Variants in CENATAC observed in about 807,000 individuals in gnomAD.
CENATAC encodes the protein coiled-coil domain containing 84.
CENATAC carries 53 observed loss-of-function variants against 53.7 expected under a neutral mutation model. The observed-to-expected ratio is 0.99, with a 90% CI of 0.79 to 1.24. The LOEUF is 1.24. Ranked by LOEUF, CENATAC falls within the 50% of genes most tolerant of loss-of-function variation. The pLI is 0.00. For synonymous variants in CENATAC, 156 were observed against 144.6 expected, an observed-to-expected ratio of 1.08 and a Z score of -0.57; for missense variants, 474 against 417.8, an observed-to-expected ratio of 1.13 and a Z score of -1.17.
In CENATAC at chr11:118,998,328, A is replaced by G. The variant is rs1942114223; in HGVS notation, c.120+11A>G. 5 of 1,611,100 alleles carry G rather than the reference A, an allele frequency of 3.1e-6. No individual in the cohort carries two copies. Among genetic ancestry groups the G allele is most frequent in the Non-Finnish European group, 4.2e-6 (5 of 1,178,620 alleles). On this transcript the variant is annotated intron_variant, in intron 1 of 10. Coordinates refer to ENST00000334418, the MANE Select transcript of CENATAC (RefSeq NM_198489.3). ...AGGCTCCTGCCCCAGGTGCGGAGGC[A>G]AGGCTAGAGATGGGATGGGAGTGCG...
chr11:119,009,114 T>C (rs73559119), intron 3 of CENATAC, among the ~76,000 whole-genome samples: 41,925 of 151,924 alleles, frequency 0.28, 6,564 homozygotes, highest in African/African-American at 0.43. Flanking sequence ...AGTCTGATCT[T>C]TCTTTCTTTT....
At chr11:119,015,104 G>GA in intron 9 of CENATAC, 21 bp downstream of exon 9, 1 of 1,573,606 alleles carries the variant, frequency 6.4e-7, no homozygotes, top group Non-Finnish European at 8.7e-7. Context: ...TAATTCAAGA[G>GA]AGGATCGTCT....
intron 3 of CENATAC, chr11:119,005,913 A>C (rs1025577310): frequency 3.4e-5 from 5 of 147,182 alleles, no homozygotes; most frequent in African/African-American, 1.3e-4. Context: ...TGCTTAGTCC[A>C]TTTGGTTAAA....
chr11:119,010,461 T>C (rs1942814211), intron 3 of CENATAC: 1 of 351,370 alleles, frequency 2.8e-6, no homozygotes, highest in Non-Finnish European at 5.2e-6. Flanking sequence ...ATTTTCTTAA[T>C]GTGGTAATGG....
Position 118,998,233 on chromosome 11 carries a change from G to T in CENATAC, c.36G>T (p.Gln12His). The change falls in exon 1 of 11, where the codon CAG (glutamine) becomes CAT (histidine). Residue 12 changes from glutamine (Q) to histidine (H), a missense_variant. By Grantham distance (24) the Gln-to-His change is conservative. Coordinates refer to ENST00000334418, the MANE Select transcript of CENATAC (RefSeq NM_198489.3). ...APAQRCPLCR[Q>H]TFFCGRGHVY... ...CGCAGCGCTGCCCTCTGTGCCGCCAGACCTTCTTCTGTGGTCGCGGGCACG... is the reference window on the plus strand; with the variant it reads ...CGCAGCGCTGCCCTCTGTGCCGCCATACCTTCTTCTGTGGTCGCGGGCACG... The T allele has an allele frequency of 6.3e-7, 1 of 1,586,376 alleles. No individual in the cohort carries two copies.
intron 3 of CENATAC, among the ~76,000 whole-genome samples, chr11:119,002,800 T>C (rs1015117161): frequency 6.6e-6 from 1 of 151,956 alleles, no homozygotes; most frequent in Non-Finnish European, 1.5e-5. Context: ...TCAGGTTTTT[T>C]TTCAAGATGG....
intron 3 of CENATAC, chr11:119,005,800 T>G (rs1942558731): frequency 6.6e-6 from 1 of 152,200 alleles, no homozygotes; most frequent in Admixed American, 6.6e-5. Flanking sequence ...TGTGATACAC[T>G]CAGGTGTTGT....
intron 1 of CENATAC, 26 bp downstream of exon 1, chr11:118,998,343 AT>A: frequency 1.2e-6 from 2 of 1,611,304 alleles, no homozygotes; most frequent in Non-Finnish European, 1.7e-6. Flanking sequence ...TAGAGATGGG[AT>A]GGGAGTGCGG....
intron 3 of CENATAC, chr11:119,003,370 C>G: frequency 1.9e-6 from 1 of 530,674 alleles, no homozygotes; most frequent in East Asian, 5.0e-5. Context: ...CACCTTTCAA[C>G]ACTGCCTTCT....
At chr11:119,011,822 C>A (rs1019469763) in intron 5 of CENATAC, 117 bp from the exon 6 acceptor site, 9 of 835,500 alleles carry the variant, frequency 1.1e-5, no homozygotes, top group African/African-American at 1.7e-5. Flanking sequence ...ATGGGCAGTA[C>A]CTTCCATATG....
intron 3 of CENATAC, among the ~76,000 whole-genome samples, chr11:119,007,359 C>T (rs1942653965): frequency 6.6e-6 from 1 of 152,002 alleles, no homozygotes; most frequent in Non-Finnish European, 1.5e-5. Flanking sequence ...CATTTTTGTA[C>T]TTTCAATAGA....
intron 3 of CENATAC, among the ~76,000 whole-genome samples, chr11:119,002,860 A>C (rs914364638): frequency 6.6e-6 from 1 of 151,874 alleles, no homozygotes; most frequent in African/African-American, 2.4e-5. Flanking sequence ...ATCTCGGCTC[A>C]CTGCAACCTC....
chr11:119,015,125 A>C lies in CENATAC; in HGVS notation c.805+42A>C, dbSNP rs550523101. 1.9e-6 allele frequency: 3 copies of C among 1,545,584 alleles called. No individual in the cohort carries two copies. The South Asian group carries it at 3.5e-5, about 18-fold the overall frequency. ...AAGAGAGGATCGTCTAAATCTTCAC[A>C]CTCAAAAATGGTTTCCTTGCCTGTG... On this transcript the variant is annotated intron_variant, in intron 9 of 10. Coordinates refer to ENST00000334418, the MANE Select transcript of CENATAC (RefSeq NM_198489.3).
In CENATAC at chr11:119,015,597, A is replaced by C. The variant is rs375684853; in HGVS notation, c.998A>C (p.Ter333SerextTer31). Residue 333 changes from the stop codon to serine, a stop_lost, in exon 11 of 11, where the codon TAA (stop) becomes TCA (serine). Coordinates refer to ENST00000334418, the MANE Select transcript of CENATAC (RefSeq NM_198489.3). ...AAGCAGTCACATACAGAAAAAAGCT[A>C]ATCATGCTCTCTACCAACTACCATG... ...MKKQSHTEKS[*>S] The C allele has an allele frequency of 6.2e-7, 1 of 1,613,998 alleles. No individual in the cohort carries two copies. The highest frequency in any genetic ancestry group is 8.5e-7 in the Non-Finnish European group (1 of 1,179,950).
At position 119,011,241 on chromosome 11, in the gene CENATAC, G is replaced by A; in HGVS notation, c.471G>A (p.Glu157=). ...VIKEMAAQIR[E]VEQSRQEVVR... The stretch of plus-strand genomic sequence containing the variant: ...CACAGATGGCAGCTCAGATCCGTGA[G>A]GTGGAGCAGAGCCGACAGGAGGTGG... The change falls in exon 5 of 11, where the codon GAG becomes GAA. Residue 157 remains glutamate, a synonymous_variant. Coordinates refer to ENST00000334418, the MANE Select transcript of CENATAC (RefSeq NM_198489.3). The A allele has an allele frequency of 1.2e-6, 2 of 1,614,118 alleles. No homozygotes were observed. Among genetic ancestry groups the A allele is most frequent in the South Asian group, 1.1e-5 (1 of 91,074 alleles).
chr11:119,003,619 CTCTT>C, intron 3 of CENATAC: 2 of 110,772 alleles, frequency 1.8e-5, no homozygotes, highest in South Asian at 2.8e-4. Flanking sequence ...ATATTTCTCT[CTCTT>C]TTTTTTTTTT....
chr11:119,008,266 G>C (rs1942700586), intron 3 of CENATAC, among the ~76,000 whole-genome samples: 1 of 152,216 alleles, frequency 6.6e-6, no homozygotes, highest in Non-Finnish European at 1.5e-5. Flanking sequence ...CGGCCTCTGA[G>C]TTCCCTCAGT....
intron 3 of CENATAC, chr11:119,004,830 CAG>C (rs1229273499): frequency 6.6e-6 from 1 of 152,356 alleles, no homozygotes; most frequent in African/African-American, 2.4e-5. Flanking sequence ...GAGGCTGAGA[CAG>C]AGGATCATTT....
intron 7 of CENATAC, 181 bp downstream of exon 7, chr11:119,012,435 C>G (rs1942913065): frequency 1.6e-6 from 1 of 613,362 alleles, no homozygotes; most frequent in African/African-American, 1.9e-5. Context: ...ATCCTATTCA[C>G]ATGTATTGAC....
Sources: gnomAD v4.1 joint callset for allele counts (sites outside exome capture counted in the v4.1 genomes callset) on GRCh38, gnomAD v4.1.1 for gene constraint, MANE v1.5 for transcripts, NCBI Gene and HGNC (gene_info 2026-07-23, HGNC 2026-07-21) for gene names.